The following SMAD9 variants were observed in gnomAD, a reference collection of about 807,000 sequenced individuals.
SMAD9 encodes the protein MAD homolog 9.
In SMAD9, 36 loss-of-function variants were observed where a neutral mutation model predicts 46.1. The observed-to-expected ratio is 0.78, with a 90% CI of 0.60 to 1.03. The LOEUF (loss-of-function observed/expected upper bound fraction) is 1.03, where lower values mean the gene tolerates loss of function less well. SMAD9 is among the 50% of genes least tolerant of loss of function. The pLI is 0.00. For missense variants in SMAD9, 572 were observed against 599.8 expected (o/e 0.95, Z 0.48); for synonymous variants, 245 against 237.1 (o/e 1.03, Z -0.31).
At chr13:36,869,172 T>C (rs2058264586) in intron 3 of SMAD9, among the ~76,000 whole-genome samples, 1 of 151,802 alleles carries the variant, frequency 6.6e-6, no homozygotes, top group Non-Finnish European at 1.5e-5. Context: ...GATGAAAAAA[T>C]TTTTGAAAAT....
At chr13:36,853,369 G>T (rs1204861810) in intron 6 of SMAD9, 50 bp downstream of exon 6, 1 of 1,604,452 alleles carries the variant, frequency 6.2e-7, no homozygotes, top group Non-Finnish European at 8.5e-7. Context: ...GTGCTTTTTT[G>T]TTTTGTTTTT....
In SMAD9 at chr13:36,898,181, G is replaced by C. The variant is rs2058545117; in HGVS notation, c.-186-18306C>G. Among the ~76,000 whole-genome samples the C allele has an allele frequency of 2.0e-5, 3 of 151,854 alleles. No individual in the cohort carries two copies. In the East Asian group the frequency reaches 5.8e-4, roughly 29 times the overall value. ...CCGAAATGTCCTATGTCTTAATAAG[G>C]GTGTGGGTTACCCTTATTAGGGGTA... On this transcript the variant is annotated intron_variant, in intron 1 of 6. Coordinates refer to ENST00000379826, the MANE Select transcript of SMAD9 (RefSeq NM_001127217.3).
chr13:36,856,125 G>C (rs565794539), intron 5 of SMAD9, among the ~76,000 whole-genome samples: 159 of 152,252 alleles, frequency 1.0e-3, no homozygotes, highest in African/African-American at 3.5e-3. Flanking sequence ...CCCCAGGCCA[G>C]GGCAAAATGC....
upstream of SMAD9, chr13:36,920,298 C>T (rs1242619515): frequency 1.3e-5 from 2 of 149,818 alleles, no homozygotes; most frequent in East Asian, 2.0e-4. Flanking sequence ...GCCAGGGAGC[C>T]CTGCTTGCGG....
At chr13:36,880,873 A>G (rs2138506758) in intron 1 of SMAD9, among the ~76,000 whole-genome samples, 1 of 152,304 alleles carries the variant, frequency 6.6e-6, no homozygotes, top group South Asian at 2.1e-4. Flanking sequence ...TTAATGATTC[A>G]ATCAATATTT....
chr13:36,899,789 GAAAAGC>G (rs753494207), intron 1 of SMAD9, among the ~76,000 whole-genome samples: 28 of 152,336 alleles, frequency 1.8e-4, no homozygotes, highest in Non-Finnish European at 3.1e-4. Flanking sequence ...TGTAGTATGT[GAAAAGC>G]AGAAGCAGAA....
chr13:36,853,268 G>T, intron 6 of SMAD9, 151 bp downstream of exon 6: 1 of 756,878 alleles, frequency 1.3e-6, no homozygotes, highest in East Asian at 2.7e-5. Flanking sequence ...CTGTGTGACA[G>T]AGTGAAACTC....
rs1428863332 is a variant in SMAD9 at position 36,871,534 on chromosome 13, AAT to A, written c.670+1122_670+1123del. 7.6e-3 allele frequency among the ~76,000 whole-genome samples: 1,151 copies of A among 151,954 alleles called. 12 individuals are homozygous for A. Among genetic ancestry groups the A allele is most frequent in the African/African-American group, 0.026 (1,081 of 41,200 alleles). On this transcript the variant is annotated intron_variant, in intron 3 of 6. Coordinates refer to ENST00000379826, the MANE Select transcript of SMAD9 (RefSeq NM_001127217.3). ...CTCCGTCTCAAAATAAAAAATAAAAAATAAAAATAAATAAACGCCTGTGTAGT... is the reference window on the plus strand; with the variant it reads ...CTCCGTCTCAAAATAAAAAATAAAAAAAAAATAAATAAACGCCTGTGTAGT...
intron 1 of SMAD9, among the ~76,000 whole-genome samples, chr13:36,898,299 A>G (rs1465386575): frequency 6.6e-6 from 1 of 151,776 alleles, no homozygotes; most frequent in Non-Finnish European, 1.5e-5. Context: ...CTTTCCCAGG[A>G]AAAATCACCA....
At chr13:36,901,439 T>A (rs1365005753) in intron 1 of SMAD9, among the ~76,000 whole-genome samples, 1 of 151,130 alleles carries the variant, frequency 6.6e-6, no homozygotes, top group African/African-American at 2.4e-5. Flanking sequence ...GCCTTTTTTT[T>A]TTTTTTGAGA....
intron 3 of SMAD9, among the ~76,000 whole-genome samples, chr13:36,870,533 T>C (rs2058280992): frequency 1.3e-5 from 2 of 151,912 alleles, no homozygotes; most frequent in African/African-American, 4.8e-5. Context: ...CAACTCCTTA[T>C]AATCACTTGC....
intron 1 of SMAD9, among the ~76,000 whole-genome samples, chr13:36,915,780 C>T (rs1390396026): frequency 6.6e-6 from 1 of 152,140 alleles, no homozygotes; most frequent in African/African-American, 2.4e-5. Flanking sequence ...ATACAATCCA[C>T]CTTAATATTT....
chr13:36,867,711 C>G (rs934632759), intron 3 of SMAD9, among the ~76,000 whole-genome samples: 1 of 152,204 alleles, frequency 6.6e-6, no homozygotes, highest in Non-Finnish European at 1.5e-5. Flanking sequence ...AGTCTGTGAT[C>G]TGGCTTGCAA....
chr13:36,860,029 G>T (rs762644022), intron 5 of SMAD9, among the ~76,000 whole-genome samples: 2 of 151,952 alleles, frequency 1.3e-5, no homozygotes, highest in Non-Finnish European at 2.9e-5. Context: ...CCTGGTGGCT[G>T]CTTTGTCCAT....
chr13:36,888,432 T>C (rs1450360373), intron 1 of SMAD9, among the ~76,000 whole-genome samples: 1 of 152,142 alleles, frequency 6.6e-6, no homozygotes, highest in Non-Finnish European at 1.5e-5. Context: ...AAACTGGAAG[T>C]CAATTAAACC....
chr13:36,864,551 A>G (rs1402900063), intron 5 of SMAD9, among the ~76,000 whole-genome samples: 2 of 152,096 alleles, frequency 1.3e-5, no homozygotes, highest in Non-Finnish European at 2.9e-5. Flanking sequence ...TTATCATTTC[A>G]CTGCAATGGT....
At chr13:36,916,113 T>C (rs1308173708) in intron 1 of SMAD9, among the ~76,000 whole-genome samples, 1 of 152,230 alleles carries the variant, frequency 6.6e-6, no homozygotes, top group African/African-American at 2.4e-5. Flanking sequence ...AAGCAGCAGC[T>C]CATCTCAGTA....
chr13:36,867,606 C>T (rs1478053069), intron 3 of SMAD9, among the ~76,000 whole-genome samples: 2 of 152,166 alleles, frequency 1.3e-5, no homozygotes, highest in African/African-American at 4.8e-5. Context: ...AATTCATTTT[C>T]CCTCCGACTT....
At chr13:36,850,208 C>T (rs1239549923) in intron 6 of SMAD9, among the ~76,000 whole-genome samples, 1 of 152,130 alleles carries the variant, frequency 6.6e-6, no homozygotes, top group Non-Finnish European at 1.5e-5. Context: ...TCATCACATC[C>T]TCTCATCAAT....
Sources: gnomAD v4.1 joint callset for allele counts (sites outside exome capture counted in the v4.1 genomes callset) on GRCh38, gnomAD v4.1.1 for gene constraint, MANE v1.5 for transcripts, NCBI Gene and HGNC (gene_info 2026-07-23, HGNC 2026-07-21) for gene names.